The following KNDC1 variants were observed in gnomAD, a reference collection of about 807,000 sequenced individuals.
KNDC1 encodes the protein kinase non-catalytic C-lobe domain containing 1, also known as kinase non-catalytic C-lobe domain-containing protein 1.
KNDC1 carries 106 observed loss-of-function variants against 172.8 expected under a neutral mutation model. The observed-to-expected ratio is 0.61, with a 90% CI of 0.52 to 0.72. The LOEUF (loss-of-function observed/expected upper bound fraction) is 0.72, where lower values mean the gene tolerates loss of function less well. KNDC1 is among the 30% of genes least tolerant of loss of function. The pLI is 0.00. For synonymous variants in KNDC1, 1,083 were observed against 1,062.2 expected, an observed-to-expected ratio of 1.02 and a Z score of -0.38; for missense variants, 2,325 against 2,394.5, an observed-to-expected ratio of 0.97 and a Z score of 0.61.
At chr10:133,165,967 C>T (rs1853137997) in intron 1 of KNDC1, among the ~76,000 whole-genome samples, 1 of 152,204 alleles carries the variant, frequency 6.6e-6, no homozygotes, top group Admixed American at 6.5e-5. Flanking sequence ...ACGGGATGTG[C>T]CAGGACCCCA....
chr10:133,161,698 G>T (rs983561595), intron 1 of KNDC1, among the ~76,000 whole-genome samples: 1 of 152,152 alleles, frequency 6.6e-6, no homozygotes, highest in African/African-American at 2.4e-5. Context: ...AGCAGCCAGG[G>T]GAGGCAATAA....
chr10:133,204,897 C>T (rs1265131726), intron 17 of KNDC1, among the ~76,000 whole-genome samples: 1 of 151,938 alleles, frequency 6.6e-6, no homozygotes, highest in Non-Finnish European at 1.5e-5. Flanking sequence ...TCACCTCTGC[C>T]CCCAGCCAGG....
chr10:133,207,371 C>T lies in KNDC1; in HGVS notation c.3794+20C>T. ...CTCCAGGTGCGTTGGGAGAAAAGCT[C>T]ACCCGGAAAAGGAGACGTAGCCCGG... On this transcript the variant is annotated intron_variant, in intron 20 of 29. Coordinates refer to ENST00000304613, the MANE Select transcript of KNDC1 (RefSeq NM_152643.8). 6.2e-7 allele frequency: 1 copy of T among 1,608,454 alleles called. No homozygotes were observed. Among genetic ancestry groups the T allele is most frequent in the Non-Finnish European group, 8.5e-7 (1 of 1,176,630 alleles).
In KNDC1 at chr10:133,206,948, C is replaced by A; in HGVS notation, c.3574C>A (p.Leu1192Met). ...VQFLSLVKKY[L>M]QVMYAERWGL... ...ATTCCTCAGCTTGGTCAAGAAGTAT[C>A]TGCAGGCAAGTGGGCTCCGGGCCCC... The change falls in exon 19 of 30, where the codon CTG (leucine) becomes ATG (methionine). Residue 1192 changes from leucine to methionine, a missense_variant. Leu to Met is a conservative substitution (Grantham distance 15, BLOSUM62 2). Transcript: ENST00000304613. 1 of 1,613,918 alleles carries A rather than the reference C, an allele frequency of 6.2e-7. No individual in the cohort carries two copies. The highest frequency in any genetic ancestry group is 8.5e-7 in the Non-Finnish European group (1 of 1,179,894).
At chr10:133,175,093 AGATG>A (rs1312732259) in intron 3 of KNDC1, among the ~76,000 whole-genome samples, 1 of 117,286 alleles carries the variant, frequency 8.5e-6, no homozygotes. Context: ...GTGGATGGAT[AGATG>A]GATGGTGGAT....
Position 133,160,277 on chromosome 10 carries a change from A to ACCCCGCGCC in KNDC1, c.-176_-168dup, listed in dbSNP as rs758056959. 6.8e-5 allele frequency among the ~76,000 whole-genome samples: 9 copies of ACCCCGCGCC among 132,908 alleles called. No homozygotes were observed. Among genetic ancestry groups the ACCCCGCGCC allele is most frequent in the South Asian group, 2.3e-4 (1 of 4,380 alleles). The allele number at this position is 132,908 out of a possible 152,430, so 87.2% of individuals were successfully genotyped here. A position where few individuals can be genotyped will look rare whatever the true frequency, so the allele number is the denominator to read the frequency against. On this transcript the variant is annotated 5_prime_UTR_variant, in exon 1 of 30. Transcript: ENST00000304613. ...GGACAGCGCCGCGCAGCCCCCGCGCACCCCGCGCCCCCCGCGCCCCCCGGG... is the reference window on the plus strand; with the variant it reads ...GGACAGCGCCGCGCAGCCCCCGCGCACCCCGCGCCCCCCGCGCCCCCCGCGCCCCCCGGG...
At chr10:133,164,580 T>C (rs985580096) in intron 1 of KNDC1, among the ~76,000 whole-genome samples, 2 of 152,196 alleles carry the variant, frequency 1.3e-5, no homozygotes, top group African/African-American at 4.8e-5. Context: ...CACAGCCCAT[T>C]AAACTCCTGT....
chr10:133,194,496 T>C (rs1854135144), intron 9 of KNDC1, among the ~76,000 whole-genome samples: 1 of 152,260 alleles, frequency 6.6e-6, no homozygotes, highest in East Asian at 1.9e-4. Flanking sequence ...ATGAGCTCTA[T>C]TATTTATTAA....
Position 133,212,928 on chromosome 10 carries a change from G to C in KNDC1, c.4443+6G>C. The C allele has an allele frequency of 6.2e-7, 1 of 1,606,848 alleles. No homozygotes were observed. Among genetic ancestry groups the C allele is most frequent in the Non-Finnish European group, 8.5e-7 (1 of 1,174,954 alleles). ...AGCTCACGCTGCTACAGCAGGTGAG[G>C]AGGGCGAGGATCTGCGCCCAGGTCA... On this transcript the variant is annotated splice_donor_region_variant and intron_variant, in intron 24 of 29. Coordinates refer to ENST00000304613, the MANE Select transcript of KNDC1 (RefSeq NM_152643.8).
At chr10:133,211,064 A>G (rs1845353003) in intron 21 of KNDC1, among the ~76,000 whole-genome samples, 1 of 152,014 alleles carries the variant, frequency 6.6e-6, no homozygotes, top group South Asian at 2.1e-4. Flanking sequence ...GGGAAGCACC[A>G]AGCAGAGGGT....
chr10:133,225,015 C>G lies in KNDC1; in HGVS notation c.*125C>G, dbSNP rs535993057. 1.5e-4 allele frequency: 116 copies of G among 762,414 alleles called. No individual in the cohort carries two copies. The African/African-American group carries it at 1.8e-3, about 12-fold the overall frequency. The allele number at this position is 762,414 out of a possible 1,614,324, so 47.2% of individuals were successfully genotyped here. ...CCCTCCGCCCCCGAACCCTGGGGAGCTGGACCAGGAGGTGGAGGCTCAGGG... is the reference window on the plus strand; with the variant it reads ...CCCTCCGCCCCCGAACCCTGGGGAGGTGGACCAGGAGGTGGAGGCTCAGGG... On this transcript the variant is annotated 3_prime_UTR_variant, in exon 30 of 30. Transcript: ENST00000304613.
intron 17 of KNDC1, among the ~76,000 whole-genome samples, chr10:133,204,468 C>A (rs1564894502): frequency 6.6e-6 from 1 of 152,124 alleles, no homozygotes; most frequent in Non-Finnish European, 1.5e-5. Context: ...GGCTTAGTGG[C>A]CGAGGTTCTG....
rs973867665 is a variant in KNDC1, at chr10:133,203,742, C to T, written c.3387+1844C>T. Among the ~76,000 whole-genome samples the T allele has an allele frequency of 7.2e-5, 11 of 152,342 alleles. No homozygotes were observed. The East Asian group carries it at 1.7e-3, about 24-fold the overall frequency. Reference sequence around the variant, plus strand: ...TGTCTGCACCGGTGAAGCCTGGCCTCGTGTTTCCCTCCTCACTGCCCCACA... The same window carrying T: ...TGTCTGCACCGGTGAAGCCTGGCCTTGTGTTTCCCTCCTCACTGCCCCACA... On this transcript the variant is annotated intron_variant, in intron 17 of 29. Coordinates refer to ENST00000304613, the MANE Select transcript of KNDC1 (RefSeq NM_152643.8).
rs12775567 is a variant in KNDC1 at position 133,188,526 on chromosome 10, C to G, written c.1327-13C>G. 1.3e-6 allele frequency: 2 copies of G among 1,532,082 alleles called. No homozygotes were observed. Among genetic ancestry groups the G allele is most frequent in the South Asian group, 1.2e-5 (1 of 83,576 alleles). 94.9% of individuals were successfully genotyped at this position (1,532,082 alleles called of 1,614,324 possible). On this transcript the variant is annotated splice_polypyrimidine_tract_variant and intron_variant, in intron 6 of 29. Transcript: ENST00000304613. ...GGGTGTCCACACTGACCTCGCCGCT[C>G]TCCTGCCCACAGTGGGTGTCCCTGC...
rs1287321350 is a variant in KNDC1 at position 133,212,762 on chromosome 10, C to T, written c.4283C>T (p.Pro1428Leu). 1 of 1,613,696 alleles carries T rather than the reference C, an allele frequency of 6.2e-7. No individual in the cohort carries two copies. The highest frequency in any genetic ancestry group is 1.3e-5 in the African/African-American group (1 of 74,934). Reference protein sequence around the residue: ...LPRGNGLVLPPHKERPYTIAA... With the variant: ...LPRGNGLVLPLHKERPYTIAA... ...CGAGGCAACGGGCTGGTGCTGCCGCCACACAAGGAGCGCCCCTACACCATT... is the reference window on the plus strand; with the variant it reads ...CGAGGCAACGGGCTGGTGCTGCCGCTACACAAGGAGCGCCCCTACACCATT... The change falls in exon 24 of 30, where the codon CCA (proline) becomes CTA (leucine). Residue 1428 changes from proline (P) to leucine (L), a missense_variant. Pro to Leu is a moderately conservative substitution (Grantham distance 98, BLOSUM62 -3). Transcript: ENST00000304613.
chr10:133,200,811 C>T (rs1854343430), intron 16 of KNDC1, among the ~76,000 whole-genome samples: 1 of 152,228 alleles, frequency 6.6e-6, no homozygotes, highest in African/African-American at 2.4e-5. Context: ...GGGATCCGCT[C>T]TCCAAGCAGA....
chr10:133,164,591 C>G (rs1356840007), intron 1 of KNDC1, among the ~76,000 whole-genome samples: 1 of 152,240 alleles, frequency 6.6e-6, no homozygotes, highest in Non-Finnish European at 1.5e-5. Flanking sequence ...AAACTCCTGT[C>G]GAGGCCACCT....
At chr10:133,191,196 G>A (rs763620523) in intron 9 of KNDC1, among the ~76,000 whole-genome samples, 3 of 150,090 alleles carry the variant, frequency 2.0e-5, no homozygotes, top group African/African-American at 5.0e-5. Context: ...AAAATTAGCC[G>A]GGTGTGGTGG....
rs1453533115 is a variant in KNDC1, at chr10:133,199,051, G to A, written c.2543G>A (p.Gly848Glu). Reference protein sequence around the residue: ...ERPGQEPEGPGATPAGERDDQ... With the variant: ...ERPGQEPEGPEATPAGERDDQ... ...CCGGGCCAGGAGCCAGAGGGCCCCG[G>A]GGCCACCCCTGCCGGGGAACGTGAT... The change falls in exon 14 of 30, where the codon GGG becomes GAG. Residue 848 changes from glycine to glutamate, a missense_variant. Coordinates refer to ENST00000304613, the MANE Select transcript of KNDC1 (RefSeq NM_152643.8). 3.8e-6 allele frequency: 6 copies of A among 1,595,182 alleles called. No individual in the cohort carries two copies. Among genetic ancestry groups the A allele is most frequent in the Non-Finnish European group, 5.1e-6 (6 of 1,172,096 alleles).
Sources: gnomAD v4.1 joint callset for allele counts (sites outside exome capture counted in the v4.1 genomes callset) on GRCh38, gnomAD v4.1.1 for gene constraint, MANE v1.5 for transcripts, NCBI Gene and HGNC (gene_info 2026-07-23, HGNC 2026-07-21) for gene names.